SGTB: variants seen among roughly 807,000 people sequenced by gnomAD.
SGTB encodes small glutamine rich tetratricopeptide repeat co-chaperone beta, also known as small glutamine-rich tetratricopeptide repeat-containing protein beta.
In SGTB, 19 loss-of-function variants were observed where a neutral mutation model predicts 43.9. The ratio of observed to expected loss-of-function variants is 0.43; its 90% CI spans 0.30 to 0.63. The LOEUF (loss-of-function observed/expected upper bound fraction) is 0.63. Ranked by LOEUF, SGTB falls within the 30% of genes least tolerant of loss-of-function variation. The pLI, the probability that SGTB is intolerant of heterozygous loss-of-function variation, is 0.12. For synonymous variants in SGTB, 116 were observed against 117.3 expected (o/e 0.99, Z 0.07); for missense variants, 304 against 358.9 (o/e 0.85, Z 1.24).
chr5:65,701,433 G>A (rs1197639035), intron 5 of SGTB, among the ~76,000 whole-genome samples: 1 of 151,916 alleles, frequency 6.6e-6, no homozygotes, highest in African/African-American at 2.4e-5. Context: ...CTGTAAATGG[G>A]GAGAGCTTTA....
intron 10 of SGTB, among the ~76,000 whole-genome samples, chr5:65,671,643 G>A (rs1039187917): frequency 9.5e-6 from 1 of 105,050 alleles, no homozygotes; most frequent in Non-Finnish European, 2.1e-5. Context: ...TGAACCGGGG[G>A]CGGGGGTGGG....
chr5:65,672,034 A>G (rs1757168298), intron 9 of SGTB, 36 bp from the exon 10 acceptor site: 2 of 1,607,534 alleles, frequency 1.2e-6, no homozygotes, highest in Non-Finnish European at 1.7e-6. Flanking sequence ...TGGGATTGGT[A>G]TATATTCTTA....
intron 8 of SGTB, 85 bp downstream of exon 8, chr5:65,680,409 A>C: frequency 7.1e-7 from 1 of 1,406,840 alleles, no homozygotes; most frequent in South Asian, 1.2e-5. Flanking sequence ...CACCACAAAA[A>C]CTCACTTGTT....
chr5:65,718,076 G>A (rs62368873), intron 2 of SGTB, among the ~76,000 whole-genome samples: 5,763 of 152,270 alleles, frequency 0.038, 143 homozygotes, highest in Middle Eastern at 0.068. Flanking sequence ...AGTAATCTTG[G>A]AAAGACAGGC....
chr5:65,703,284 G>C (rs766337956), intron 5 of SGTB, among the ~76,000 whole-genome samples: 5 of 152,126 alleles, frequency 3.3e-5, no homozygotes, highest in Non-Finnish European at 7.4e-5. Context: ...ATAGGTGCTG[G>C]AAATATAAAA....
At chr5:65,710,052 AT>A (rs764997336) in intron 3 of SGTB, among the ~76,000 whole-genome samples, 3 of 151,652 alleles carry the variant, frequency 2.0e-5, no homozygotes, top group South Asian at 2.1e-4. Context: ...TCTTGTCCTT[AT>A]TTTTTTTTAA....
chr5:65,700,941 C>T (rs1347715849), intron 5 of SGTB, among the ~76,000 whole-genome samples: 3 of 127,044 alleles, frequency 2.4e-5, no homozygotes, highest in Non-Finnish European at 4.7e-5. Context: ...ACCTGGGAGG[C>T]GGAGGTTGCA....
At chr5:65,710,986 A>G (rs181307610) in intron 3 of SGTB, among the ~76,000 whole-genome samples, 35 of 131,958 alleles carry the variant, frequency 2.7e-4, no homozygotes, top group Admixed American at 5.1e-4. Context: ...ACAGGACAAG[A>G]CTCTGTCTCA....
At chr5:65,709,280 TATG>T (rs1757998506) in intron 3 of SGTB, among the ~76,000 whole-genome samples, 2 of 152,106 alleles carry the variant, frequency 1.3e-5, no homozygotes, top group African/African-American at 4.8e-5. Context: ...TCATTTATAA[TATG>T]ATATTATATA....
At chr5:65,681,392 A>G (rs371076263) in intron 6 of SGTB, among the ~76,000 whole-genome samples, 16 of 152,326 alleles carry the variant, frequency 1.1e-4, no homozygotes, top group African/African-American at 3.8e-4. Context: ...TTTAATGTTC[A>G]TATTTACCTA....
chr5:65,669,077 C>T lies in SGTB; in HGVS notation c.*1169G>A, dbSNP rs1003277332. On this transcript the variant is annotated 3_prime_UTR_variant, in exon 11 of 11. Transcript: ENST00000381007. ...AGACCCATGCAATTAATACCTAATGCCCCTTTTCTCCACTAACTAATATGG... is the reference window on the plus strand; with the variant it reads ...AGACCCATGCAATTAATACCTAATGTCCCTTTTCTCCACTAACTAATATGG... 1.3e-5 allele frequency: 2 copies of T among 152,086 alleles called. No homozygotes were observed. The highest frequency in any genetic ancestry group is 6.6e-5 in the Admixed American group (1 of 15,262). 9.4% of individuals were successfully genotyped at this position (152,086 alleles called of 1,614,324 possible).
intron 2 of SGTB, among the ~76,000 whole-genome samples, chr5:65,715,800 C>T (rs71632536): frequency 0.041 from 6,220 of 152,286 alleles, 208 homozygotes; most frequent in Middle Eastern, 0.13. Flanking sequence ...GACGGAGTCT[C>T]GCTCTATTGC....
At chr5:65,722,546 C>T, upstream of SGTB, 1 of 827,840 alleles carries the variant, frequency 1.2e-6, no homozygotes, top group Non-Finnish European at 1.8e-6. Context: ...CTCCCCGCGG[C>T]TTGCAAGGTG....
chr5:65,679,951 G>A (rs949869478), intron 8 of SGTB, among the ~76,000 whole-genome samples: 5 of 152,152 alleles, frequency 3.3e-5, no homozygotes, highest in East Asian at 1.9e-4. Flanking sequence ...AAGAAAATGC[G>A]GTACATATAC....
At chr5:65,713,684 T>C (rs141480126) in intron 2 of SGTB, among the ~76,000 whole-genome samples, 1 of 152,310 alleles carries the variant, frequency 6.6e-6, no homozygotes, top group Non-Finnish European at 1.5e-5. Context: ...TCAATATATG[T>C]ATTACATCAT....
chr5:65,691,238 A>G (rs1295392571), intron 5 of SGTB, among the ~76,000 whole-genome samples: 2 of 152,288 alleles, frequency 1.3e-5, no homozygotes, highest in South Asian at 4.2e-4. Flanking sequence ...CCTAGAAGCA[A>G]TAAGACCTTA....
intron 4 of SGTB, among the ~76,000 whole-genome samples, chr5:65,705,658 C>G (rs1757916862): frequency 6.6e-6 from 1 of 152,004 alleles, no homozygotes; most frequent in African/African-American, 2.4e-5. Flanking sequence ...ATTCAAATTA[C>G]TGTAAATTAG....
At chr5:65,671,765 ACT>A in intron 10 of SGTB, 148 bp downstream of exon 10, 1 of 688,468 alleles carries the variant, frequency 1.5e-6, no homozygotes. Context: ...TAATTCATGA[ACT>A]TCTTTCAGAT....
chr5:65,714,337 T>A (rs1281659666), intron 2 of SGTB, among the ~76,000 whole-genome samples: 1 of 151,752 alleles, frequency 6.6e-6, no homozygotes, highest in African/African-American at 2.4e-5. Context: ...CAGAAAAAAA[T>A]CACTGTCTAC....
Sources: allele counts gnomAD v4.1 joint callset (sites outside exome capture counted in the v4.1 genomes callset), GRCh38; gene constraint gnomAD v4.1.1; transcripts MANE v1.5; gene names NCBI Gene and HGNC (gene_info 2026-07-23, HGNC 2026-07-21).